ELP1: variants seen among roughly 807,000 people sequenced by gnomAD.
The protein encoded by ELP1 is elongator acetyltransferase complex subunit 1.
Under a neutral mutation model 183.2 loss-of-function variants are expected in ELP1, and 131 were observed. The ratio of observed to expected loss-of-function variants is 0.72; its 90% CI spans 0.62 to 0.83. ELP1 has a LOEUF of 0.83. Among genes scored for constraint, ELP1 ranks in the 40% least tolerant of loss-of-function variants. The pLI is 0.00. For synonymous variants in ELP1, 555 were observed against 569.0 expected, an observed-to-expected ratio of 0.98 and a Z score of 0.35; for missense variants, 1,550 against 1,594.9, an observed-to-expected ratio of 0.97 and a Z score of 0.48.
intron 31 of ELP1, 36 bp downstream of exon 31, chr9:108,881,669 C>G (rs769304216): frequency 1.0e-4 from 133 of 1,322,232 alleles, no homozygotes; most frequent in Non-Finnish European, 3.9e-5. Context: ...TCACCTTCTT[C>G]CAAATGAGGA....
At chr9:108,898,131 CT>C (rs1828626601) in intron 22 of ELP1, among the ~76,000 whole-genome samples, 1 of 152,174 alleles carries the variant, frequency 6.6e-6, no homozygotes, top group Non-Finnish European at 1.5e-5. Context: ...ATATAGGTTG[CT>C]TACTGGACAA....
intron 31 of ELP1, among the ~76,000 whole-genome samples, 158 bp downstream of exon 31, chr9:108,881,547 A>T (rs911912257): frequency 9.9e-5 from 15 of 152,230 alleles, no homozygotes; most frequent in African/African-American, 3.4e-4. Flanking sequence ...CATATTTAAA[A>T]ATTCTAGTGA....
At chr9:108,870,099 C>A (rs1827390397) in intron 36 of ELP1, among the ~76,000 whole-genome samples, 1 of 152,124 alleles carries the variant, frequency 6.6e-6, no homozygotes, top group South Asian at 2.1e-4. Flanking sequence ...CCTCAGCCTC[C>A]CAAGTAGCTG....
At chr9:108,909,985 CATTGA>C (rs1829153897) in intron 12 of ELP1, among the ~76,000 whole-genome samples, 1 of 151,918 alleles carries the variant, frequency 6.6e-6, no homozygotes, top group South Asian at 2.1e-4. Context: ...ACATATAAAC[CATTGA>C]ATTGTACACT....
At chr9:108,875,609 A>T (rs573930058) in intron 35 of ELP1, 2 of 320,050 alleles carry the variant, frequency 6.2e-6, no homozygotes, top group South Asian at 5.1e-5. Context: ...CTTAGAACTT[A>T]ATGTGGGAGG....
chr9:108,891,319 T>C lies in ELP1; in HGVS notation c.3044A>G (p.His1015Arg). ...AGLMFARCGA[H>R]EKALSAFLTC... is the part of the protein sequence containing the mutation. ...CAGAAAGGCTGAGAGAGCTTTCTCGTGGGCACCGCAACGGGCAAACATGAG... is the reference window on the plus strand; with the variant it reads ...CAGAAAGGCTGAGAGAGCTTTCTCGCGGGCACCGCAACGGGCAAACATGAG... Residue 1015 changes from histidine to arginine, a missense_variant, in exon 28 of 37, where the codon CAC becomes CGC. Coordinates refer to ENST00000374647, the MANE Select transcript of ELP1 (RefSeq NM_003640.5). 6.2e-7 allele frequency: 1 copy of C among 1,614,178 alleles called. No homozygotes were observed. Among genetic ancestry groups the C allele is most frequent in the South Asian group, 1.1e-5 (1 of 91,086 alleles).
intron 25 of ELP1, 118 bp downstream of exon 25, chr9:108,896,378 T>C (rs1462071530): frequency 5.5e-6 from 5 of 913,474 alleles, no homozygotes; most frequent in East Asian, 5.1e-5. Flanking sequence ...CAGATCTGTC[T>C]CCAGCCCTGC....
intron 33 of ELP1, among the ~76,000 whole-genome samples, chr9:108,879,019 A>T (rs941425732): frequency 6.6e-6 from 1 of 152,238 alleles, no homozygotes; most frequent in African/African-American, 2.4e-5. Flanking sequence ...AGTGCTGAAT[A>T]AATATTTCTG....
In ELP1 at chr9:108,906,472, T is replaced by C; in HGVS notation, c.1474A>G (p.Asn492Asp). 1 of 1,613,538 alleles carries C rather than the reference T, an allele frequency of 6.2e-7. No homozygotes were observed. Among genetic ancestry groups the C allele is most frequent in the East Asian group, 2.2e-5 (1 of 44,888 alleles). ...GGGTTTACATCTTGATCTTCATTAT[T>C]CTCAAACTGGATTCTATTGTAAATA... ...LEKRYKIQFE[N>D]NEDQDVNPLK... Residue 492 changes from asparagine (N) to aspartate (D), a missense_variant, in exon 14 of 37, where the codon AAT becomes GAT. By Grantham distance (23) the Asn-to-Asp change is conservative. Transcript: ENST00000374647.
intron 31 of ELP1, 72 bp downstream of exon 31, chr9:108,881,630 TAGG>T (rs1481288256): frequency 3.4e-6 from 3 of 884,882 alleles, no homozygotes; most frequent in Non-Finnish European, 5.8e-6. Flanking sequence ...ACACAGTAAA[TAGG>T]AGGAGACTCT....
chr9:108,925,246 G>A (rs556640262), intron 5 of ELP1, among the ~76,000 whole-genome samples: 33 of 152,184 alleles, frequency 2.2e-4, no homozygotes, highest in African/African-American at 7.9e-4. Context: ...AACTTGTAAT[G>A]GCTGATCAAC....
intron 34 of ELP1, 38 bp downstream of exon 34, chr9:108,878,585 T>C (rs1436486139): frequency 6.2e-7 from 1 of 1,613,818 alleles, no homozygotes; most frequent in Non-Finnish European, 8.5e-7. Flanking sequence ...TTCACTATTG[T>C]TTGTGGTCAG....
chr9:108,897,018 G>A lies in ELP1; in HGVS notation c.2522C>T (p.Thr841Ile), dbSNP rs1419407069. The A allele has an allele frequency of 5.6e-6, 9 of 1,614,020 alleles. No homozygotes were observed. Among genetic ancestry groups the A allele is most frequent in the Non-Finnish European group, 6.8e-6 (8 of 1,179,912 alleles). ...NPHKYCLSIL[T>I]SHVKKTTPEL... The stretch of plus-strand genomic sequence containing the variant: ...TGGGGTTGTCTTCTTTACATGAGAT[G>A]TAAGTATGGATAGGCAGTATCTGAG... Residue 841 changes from threonine (T) to isoleucine (I), a missense_variant, in exon 24 of 37, where the codon ACA (threonine) becomes ATA (isoleucine). Physicochemically the swap from Thr to Ile is moderately conservative, Grantham distance 89. Transcript: ENST00000374647.
intron 15 of ELP1, 33 bp downstream of exon 15, chr9:108,903,530 C>A: frequency 7.4e-7 from 1 of 1,357,860 alleles, no homozygotes; most frequent in South Asian, 1.2e-5. Flanking sequence ...CTATGTAAGT[C>A]ATAACATGCT....
At chr9:108,933,107 C>T (rs927819208) in intron 1 of ELP1, among the ~76,000 whole-genome samples, 1 of 152,184 alleles carries the variant, frequency 6.6e-6, no homozygotes, top group African/African-American at 2.4e-5. Context: ...TTTTCAACCT[C>T]CTGATAGAAT....
At chr9:108,931,798 C>A (rs988249460) in intron 1 of ELP1, among the ~76,000 whole-genome samples, 1 of 152,116 alleles carries the variant, frequency 6.6e-6, no homozygotes, top group African/African-American at 2.4e-5. Flanking sequence ...AAATGATGAC[C>A]AACATTTCAA....
In ELP1 at chr9:108,912,492, G is replaced by C; in HGVS notation, c.961C>G (p.Gln321Glu). 1 of 1,609,550 alleles carries C rather than the reference G, an allele frequency of 6.2e-7. No homozygotes were observed. The highest frequency in any genetic ancestry group is 8.5e-7 in the Non-Finnish European group (1 of 1,176,012). Reference protein sequence around the residue: ...EESSIPKTCVQLWTVGNYHWY... With the variant: ...EESSIPKTCVELWTVGNYHWY... ...TGATAGTTTCCAACAGTCCAGAGCT[G>C]AACTGCAAGGGAAAATGAAAAGAAG... Residue 321 changes from glutamine (Q) to glutamate (E), a missense_variant and splice_region_variant, in exon 11 of 37, where the codon CAG becomes GAG. Gln to Glu is a conservative substitution (Grantham distance 29). Transcript: ENST00000374647.
In ELP1 at chr9:108,882,202, G is replaced by C. The variant is rs1827956095; in HGVS notation, c.3223-15C>G. ...TCTTCATAATCCTGACAAGGGAACAGGAAGAAGACAACAAGTGAAGAGAGC... is the reference window on the plus strand; with the variant it reads ...TCTTCATAATCCTGACAAGGGAACACGAAGAAGACAACAAGTGAAGAGAGC... On this transcript the variant is annotated splice_polypyrimidine_tract_variant and intron_variant, in intron 29 of 36. Coordinates refer to ENST00000374647, the MANE Select transcript of ELP1 (RefSeq NM_003640.5). 1 of 1,610,648 alleles carries C rather than the reference G, an allele frequency of 6.2e-7. No homozygotes were observed. Among genetic ancestry groups the C allele is most frequent in the Non-Finnish European group, 8.5e-7 (1 of 1,178,634 alleles).
chr9:108,869,662 G>C (rs1183553172), intron 36 of ELP1, among the ~76,000 whole-genome samples: 1 of 151,826 alleles, frequency 6.6e-6, no homozygotes, highest in East Asian at 1.9e-4. Context: ...GATCAATAAA[G>C]ATGCCCCTGC....
Sources: allele counts gnomAD v4.1 joint callset (sites outside exome capture counted in the v4.1 genomes callset), GRCh38; gene constraint gnomAD v4.1.1; transcripts MANE v1.5; gene names NCBI Gene and HGNC (gene_info 2026-07-23, HGNC 2026-07-21).